EXOC3L2: variants seen among roughly 807,000 people sequenced by gnomAD.
EXOC3L2 encodes the protein exocyst complex component 3 like 2.
Under a neutral mutation model 44.4 loss-of-function variants are expected in EXOC3L2, and 17 were observed. The ratio of observed to expected loss-of-function variants is 0.38; its 90% CI spans 0.26 to 0.57. The LOEUF (loss-of-function observed/expected upper bound fraction) is 0.57, where lower values mean the gene tolerates loss of function less well. EXOC3L2 is among the 20% of genes least tolerant of loss of function. The pLI, the probability that EXOC3L2 is intolerant of heterozygous loss-of-function variation, is 0.65. For missense variants in EXOC3L2, 541 were observed against 588.4 expected (o/e 0.92, Z 0.83); for synonymous variants, 256 against 253.7 (o/e 1.01, Z -0.09).
At chr19:45,213,682 T>C (rs1041264104) in intron 11 of EXOC3L2, among the ~76,000 whole-genome samples, 1 of 152,022 alleles carries the variant, frequency 6.6e-6, no homozygotes, top group Non-Finnish European at 1.5e-5. Context: ...CCGTGGCTCA[T>C]GCCTGTAATC....
chr19:45,236,363 G>A (rs1003725601), intron 2 of EXOC3L2, among the ~76,000 whole-genome samples: 4 of 150,842 alleles, frequency 2.7e-5, no homozygotes, highest in Non-Finnish European at 4.4e-5. Context: ...CTACTCAGGA[G>A]GCTGAGACAG....
At chr19:45,235,017 G>C (rs1274133637) in intron 2 of EXOC3L2, among the ~76,000 whole-genome samples, 191 bp from the exon 3 acceptor site, 1 of 152,110 alleles carries the variant, frequency 6.6e-6, no homozygotes, top group Non-Finnish European at 1.5e-5. Context: ...ATGTAGGGGA[G>C]GGGTCAGGGT....
chr19:45,217,638 G>C lies in EXOC3L2; in HGVS notation c.1888C>G (p.Arg630Gly), dbSNP rs981826033. 3.4e-6 allele frequency: 5 copies of C among 1,454,238 alleles called. No individual in the cohort carries two copies. The highest frequency in any genetic ancestry group is 4.5e-6 in the Non-Finnish European group (5 of 1,113,158). 90.1% of individuals were successfully genotyped at this position (1,454,238 alleles called of 1,614,324 possible). ...CGCAGGCGCCCACGGAGCAGGGGCCGCACGTACTCGACCAGCGCCCGCCGG... is the reference window on the plus strand; with the variant it reads ...CGCAGGCGCCCACGGAGCAGGGGCCCCACGTACTCGACCAGCGCCCGCCGG... ...LHRRALVEYV[R>G]PLLRGRLRCS... The change falls in exon 10 of 12, where the codon CGG (arginine) becomes GGG (glycine). Residue 630 changes from arginine (R) to glycine (G), a missense_variant. Physicochemically the swap from Arg to Gly is moderately radical, Grantham distance 125. Transcript: ENST00000413988.
At chr19:45,220,409 G>A (rs1207792762) in intron 8 of EXOC3L2, among the ~76,000 whole-genome samples, 1 of 152,036 alleles carries the variant, frequency 6.6e-6, no homozygotes, top group Non-Finnish European at 1.5e-5. Flanking sequence ...GGTTGAGGCT[G>A]CAATGAGCTA....
rs769916286 is a variant in EXOC3L2, at chr19:45,217,498, A to C, written c.1998+30T>G. 22 of 1,548,674 alleles carry C rather than the reference A, an allele frequency of 1.4e-5. No individual in the cohort carries two copies. The South Asian group carries it at 2.4e-4, about 17-fold the overall frequency. On this transcript the variant is annotated intron_variant, in intron 10 of 11. Transcript: ENST00000413988. ...AAGCCAAGCCTTGTCCTGGTTTCTGAAACACCCCCAACCGCGTCCCGACAC... is the reference window on the plus strand; with the variant it reads ...AAGCCAAGCCTTGTCCTGGTTTCTGCAACACCCCCAACCGCGTCCCGACAC...
chr19:45,231,824 C>T lies in EXOC3L2; in HGVS notation c.1208G>A (p.Gly403Glu). 1 of 1,610,090 alleles carries T rather than the reference C, an allele frequency of 6.2e-7. No individual in the cohort carries two copies. Among genetic ancestry groups the T allele is most frequent in the South Asian group, 1.1e-5 (1 of 90,862 alleles). The part of the protein sequence containing the change: ...DMAALENGEL[G>E]PLLSPGTLRG... ...CAGGGTGCCAGGGGAGAGAAGGGGCCCCAGCTCCCCATTCTCCAGGGCGGC... is the reference window on the plus strand; with the variant it reads ...CAGGGTGCCAGGGGAGAGAAGGGGCTCCAGCTCCCCATTCTCCAGGGCGGC... Residue 403 changes from glycine (G) to glutamate (E), a missense_variant, in exon 4 of 12, where the codon GGG (glycine) becomes GAG (glutamate). Gly to Glu is a moderately conservative substitution (Grantham distance 98). Transcript: ENST00000413988.
At chr19:45,235,688 A>G (rs988197756) in intron 2 of EXOC3L2, among the ~76,000 whole-genome samples, 9 of 152,278 alleles carry the variant, frequency 5.9e-5, no homozygotes, top group African/African-American at 1.9e-4. Context: ...CCTCCCTGGC[A>G]GAGAAACTAT....
chr19:45,244,097 T>C (rs940657197), intron 1 of EXOC3L2, among the ~76,000 whole-genome samples: 2 of 151,942 alleles, frequency 1.3e-5, no homozygotes, highest in African/African-American at 4.8e-5. Flanking sequence ...CTAATTTTTG[T>C]ATTTTTAGTA....
chr19:45,226,487 A>G (rs574889896), intron 7 of EXOC3L2, among the ~76,000 whole-genome samples: 2 of 152,112 alleles, frequency 1.3e-5, no homozygotes, highest in East Asian at 3.9e-4. Context: ...CCCAGGCTGC[A>G]GTGCAGTGAC....
At chr19:45,229,249 TAC>T (rs1970001856) in intron 4 of EXOC3L2, among the ~76,000 whole-genome samples, 1 of 122,138 alleles carries the variant, frequency 8.2e-6, no homozygotes, top group Non-Finnish European at 1.7e-5. Context: ...ATTAAATATA[TAC>T]ATATATTTAT....
chr19:45,239,448 C>T (rs1038949592), intron 1 of EXOC3L2, among the ~76,000 whole-genome samples: 6 of 151,606 alleles, frequency 4.0e-5, no homozygotes, highest in Non-Finnish European at 7.4e-5. Context: ...GATCTCCTGA[C>T]TTTGTGATCC....
At chr19:45,241,340 C>T in intron 1 of EXOC3L2, among the ~76,000 whole-genome samples, 1 of 151,374 alleles carries the variant, frequency 6.6e-6, no homozygotes, top group Non-Finnish European at 1.5e-5. Flanking sequence ...TAGCTGGGTG[C>T]AGTGGCAGGC....
intron 8 of EXOC3L2, among the ~76,000 whole-genome samples, chr19:45,221,552 T>C (rs1012801313): frequency 6.6e-6 from 1 of 151,798 alleles, no homozygotes; most frequent in African/African-American, 2.4e-5. Flanking sequence ...TTTCACCGTG[T>C]TGGCCAGGAT....
chr19:45,239,089 G>A (rs995025859), intron 1 of EXOC3L2, 28 bp from the exon 2 acceptor site: 9 of 398,720 alleles, frequency 2.3e-5, no homozygotes, highest in Admixed American at 1.3e-4. Context: ...GACCATGGGC[G>A]ATGCTGATGA....
intron 9 of EXOC3L2, 41 bp from the exon 10 acceptor site, chr19:45,217,724 C>A: frequency 2.2e-6 from 3 of 1,385,414 alleles, no homozygotes; most frequent in Non-Finnish European, 2.8e-6. Context: ...GTGAGCCATG[C>A]CCCACGGACT....
At chr19:45,228,367 A>G in intron 4 of EXOC3L2, 101 bp from the exon 5 acceptor site, 2 of 1,020,328 alleles carry the variant, frequency 2.0e-6, no homozygotes, top group South Asian at 1.6e-5. Context: ...CTTAACCCCA[A>G]GCAGTTCTGG....
intron 2 of EXOC3L2, among the ~76,000 whole-genome samples, chr19:45,235,551 G>A (rs993860010): frequency 2.6e-4 from 39 of 152,174 alleles, no homozygotes; most frequent in South Asian, 2.1e-4. Flanking sequence ...ATGGCTGTGG[G>A]CTGATCTGGC....
intron 1 of EXOC3L2, among the ~76,000 whole-genome samples, chr19:45,242,868 A>C (rs1353034685): frequency 6.6e-6 from 1 of 151,160 alleles, no homozygotes; most frequent in Non-Finnish European, 1.5e-5. Context: ...TCTCAAAAAA[A>C]AAAAAAAAAA....
At chr19:45,237,548 A>G (rs1446563322) in intron 2 of EXOC3L2, among the ~76,000 whole-genome samples, 1 of 152,116 alleles carries the variant, frequency 6.6e-6, no homozygotes, top group African/African-American at 2.4e-5. Flanking sequence ...GAGCTGTACG[A>G]GAAGCATACG....
Sources: allele counts gnomAD v4.1 joint callset (sites outside exome capture counted in the v4.1 genomes callset), GRCh38; gene constraint gnomAD v4.1.1; transcripts MANE v1.5; gene names NCBI Gene and HGNC (gene_info 2026-07-23, HGNC 2026-07-21).